The following PCDHA7 variants were observed in gnomAD, a reference collection of about 807,000 sequenced individuals.
The protein encoded by PCDHA7 is protocadherin alpha-7.
A neutral mutation model predicts 57.2 loss-of-function variants in PCDHA7; 37 were observed. The observed-to-expected ratio is 0.65, with a 90% CI of 0.50 to 0.85. The LOEUF is 0.85. Among genes scored for constraint, PCDHA7 ranks in the 40% least tolerant of loss-of-function variants. The pLI is 0.00. For synonymous variants in PCDHA7, 553 were observed against 558.8 expected (o/e 0.99, Z 0.15); for missense variants, 1,188 against 1,241.8 (o/e 0.96, Z 0.65).
intron 1 of PCDHA7, chr5:140,853,806 A>T: frequency 4.1e-6 from 4 of 986,824 alleles, no homozygotes; most frequent in Non-Finnish European, 4.9e-6. Context: ...TTTAAAGCAC[A>T]CCTGAGATGA....
intron 1 of PCDHA7, chr5:140,967,726 TG>T: frequency 6.2e-7 from 1 of 1,613,974 alleles, no homozygotes; most frequent in Non-Finnish European, 8.5e-7. Flanking sequence ...TGCGAGTAAT[TG>T]GGGGGCTGGA....
chr5:141,005,563 A>G (rs938722871), intron 3 of PCDHA7, among the ~76,000 whole-genome samples: 4 of 151,458 alleles, frequency 2.6e-5, no homozygotes, highest in East Asian at 1.9e-4. Context: ...TTAGCCGGGC[A>G]TGGTGGCGCG....
intron 1 of PCDHA7, among the ~76,000 whole-genome samples, chr5:140,894,823 A>G (rs933081275): frequency 2.0e-5 from 3 of 152,080 alleles, no homozygotes; most frequent in Non-Finnish European, 2.9e-5. Context: ...AGATTTGCCC[A>G]TAATCCTTTT....
chr5:140,994,637 G>A (rs1355719166), intron 3 of PCDHA7, among the ~76,000 whole-genome samples: 1 of 152,078 alleles, frequency 6.6e-6, no homozygotes, highest in Non-Finnish European at 1.5e-5. Context: ...CCTGGAAGGT[G>A]GAGGTTGCAG....
intron 1 of PCDHA7, chr5:140,966,545 G>A: frequency 2.1e-6 from 1 of 465,980 alleles, no homozygotes; most frequent in Non-Finnish European, 3.7e-6. Context: ...CGACTCGGAG[G>A]CGAGCGGAGG....
chr5:140,914,815 GACTGCATAAACAAAAAACAAACACACAA>G (rs2076856567), intron 1 of PCDHA7, among the ~76,000 whole-genome samples: 1 of 151,986 alleles, frequency 6.6e-6, no homozygotes, highest in Non-Finnish European at 1.5e-5. Context: ...CAACTTAACA[GACTGCATAAACAAAAAACAAACACACAA>G]AAGGAAGACT....
At chr5:140,947,796 T>C (rs2094177808) in intron 1 of PCDHA7, among the ~76,000 whole-genome samples, 2 of 151,630 alleles carry the variant, frequency 1.3e-5, no homozygotes, top group Non-Finnish European at 3.0e-5. Context: ...AACAGACTTT[T>C]AATTTGCAGA....
intron 3 of PCDHA7, among the ~76,000 whole-genome samples, chr5:140,990,831 A>G (rs1004872074): frequency 6.6e-6 from 1 of 152,192 alleles, no homozygotes; most frequent in Non-Finnish European, 1.5e-5. Context: ...GCTAAAGCCT[A>G]TTAGCAAAAA....
At chr5:140,843,304 C>G (rs2150356889) in intron 1 of PCDHA7, 4 of 1,595,876 alleles carry the variant, frequency 2.5e-6, no homozygotes, top group Middle Eastern at 1.7e-4. Context: ...CGCTGACCGC[C>G]ACGGCCACGG....
intron 1 of PCDHA7, chr5:140,883,733 C>G (rs1554179634): frequency 3.1e-6 from 5 of 1,613,458 alleles, no homozygotes; most frequent in African/African-American, 1.3e-5. Flanking sequence ...GGAGAACGCG[C>G]TGGTCTCCTA....
Position 140,850,860 on chromosome 5 carries a change from C to A in PCDHA7, c.2355+14122C>A, listed in dbSNP as rs2150500728. ...TGGATCTACAGAGCGAACGGGAGAACCCTCTGCTTCCTCAGATTCAACTGG... is the reference window on the plus strand; with the variant it reads ...TGGATCTACAGAGCGAACGGGAGAAACCTCTGCTTCCTCAGATTCAACTGG... On this transcript the variant is annotated intron_variant, in intron 1 of 3. Coordinates refer to ENST00000525929, the MANE Select transcript of PCDHA7 (RefSeq NM_018910.3). The A allele has an allele frequency of 3.1e-6, 5 of 1,593,234 alleles. 1 individual carries two copies. Among genetic ancestry groups the A allele is most frequent in the Non-Finnish European group, 4.3e-6 (5 of 1,164,206 alleles).
chr5:140,875,578 T>C lies in PCDHA7; in HGVS notation c.2355+38840T>C, dbSNP rs534589966. 6 of 1,614,098 alleles carry C rather than the reference T, an allele frequency of 3.7e-6. No homozygotes were observed. Among genetic ancestry groups the C allele is most frequent in the East Asian group, 4.5e-5 (2 of 44,882 alleles). On this transcript the variant is annotated intron_variant, in intron 1 of 3. Coordinates refer to ENST00000525929, the MANE Select transcript of PCDHA7 (RefSeq NM_018910.3). ...GAGCGGCCAGCTCCACTACTCCGTC[T>C]ACGAGGAGGCCAAACACGGCACCTT... is the stretch of plus-strand genomic sequence containing the variant.
chr5:140,877,721 A>C, intron 1 of PCDHA7: 3 of 1,614,000 alleles, frequency 1.9e-6, no homozygotes, highest in Non-Finnish European at 2.5e-6. Context: ...AGTTGGTCTT[A>C]CTCGCAGCAG....
At chr5:140,981,665 CCTTT>C (rs1170982670) in intron 2 of PCDHA7, among the ~76,000 whole-genome samples, 2 of 152,092 alleles carry the variant, frequency 1.3e-5, no homozygotes, top group Non-Finnish European at 2.9e-5. Flanking sequence ...TTTCTTCCTT[CCTTT>C]CTTCCTTCCT....
chr5:140,918,895 A>G (rs1319042193), intron 1 of PCDHA7, among the ~76,000 whole-genome samples: 2 of 152,206 alleles, frequency 1.3e-5, no homozygotes, highest in East Asian at 3.9e-4. Flanking sequence ...TGAAAAATAA[A>G]TCTCTCTTGT....
chr5:140,889,232 C>T (rs1365146997), intron 1 of PCDHA7, among the ~76,000 whole-genome samples: 6 of 151,736 alleles, frequency 4.0e-5, no homozygotes, highest in African/African-American at 1.4e-4. Context: ...TTGAAAACTT[C>T]CAGAAAATTT....
Position 141,000,690 on chromosome 5 carries a change from A to G in PCDHA7, c.2504-8937A>G, listed in dbSNP as rs550187550. On this transcript the variant is annotated intron_variant, in intron 3 of 3. Transcript: ENST00000525929. The stretch of plus-strand genomic sequence containing the variant: ...TGATCCACCTGCCTCTGCCTCCCAA[A>G]GTGCTGGGATTACAGGCATGAGCCA... 4.2e-3 allele frequency among the ~76,000 whole-genome samples: 638 copies of G among 151,554 alleles called. 1 individual carries two copies. The highest frequency in any genetic ancestry group is 7.2e-3 in the Non-Finnish European group (489 of 67,874).
intron 1 of PCDHA7, among the ~76,000 whole-genome samples, chr5:140,908,412 T>G (rs2073956005): frequency 6.6e-6 from 1 of 152,212 alleles, no homozygotes; most frequent in South Asian, 2.1e-4. Context: ...TTCCATTTGA[T>G]GATGGAATGC....
chr5:141,000,389 C>CTATATA (rs2097911342), intron 3 of PCDHA7, among the ~76,000 whole-genome samples: 2 of 62,586 alleles, frequency 3.2e-5, no homozygotes, highest in African/African-American at 7.0e-5. Flanking sequence ...CTCTCTCTCT[C>CTATATA]TCTCTCTATA....
Sources: gnomAD v4.1 joint callset for allele counts (sites outside exome capture counted in the v4.1 genomes callset) on GRCh38, gnomAD v4.1.1 for gene constraint, MANE v1.5 for transcripts, NCBI Gene and HGNC (gene_info 2026-07-23, HGNC 2026-07-21) for gene names.